ZBTB20: variants seen among roughly 807,000 people sequenced by gnomAD.
ZBTB20 encodes the protein zinc finger and BTB domain containing 20, also known as zinc finger and BTB domain-containing protein 20.
A neutral mutation model predicts 56.9 loss-of-function variants in ZBTB20; 9 were observed. That is an observed-to-expected ratio of 0.16 (90% CI 0.10 to 0.28). The LOEUF (loss-of-function observed/expected upper bound fraction) is 0.28, where lower values mean the gene tolerates loss of function less well. Among genes scored for constraint, ZBTB20 ranks in the 10% least tolerant of loss-of-function variants. The probability of loss-of-function intolerance (pLI) is 1.00; values close to 1 mark genes in which losing one functional copy is unlikely to be tolerated. For missense variants in ZBTB20, 655 were observed against 1,003.0 expected, an observed-to-expected ratio of 0.65 and a Z score of 4.69; for synonymous variants, 417 against 420.7, an observed-to-expected ratio of 0.99 and a Z score of 0.11.
intron 5 of ZBTB20, among the ~76,000 whole-genome samples, chr3:114,790,260 A>G (rs1443929898): frequency 6.6e-6 from 1 of 152,176 alleles, no homozygotes; most frequent in Non-Finnish European, 1.5e-5. Flanking sequence ...ATAGATGTTC[A>G]TTGTAACTGG....
intron 5 of ZBTB20, among the ~76,000 whole-genome samples, chr3:114,752,588 C>A (rs2067653055): frequency 6.6e-6 from 1 of 152,148 alleles, no homozygotes; most frequent in Admixed American, 6.5e-5. Flanking sequence ...GAAATATTTT[C>A]AACATGGGCA....
intron 7 of ZBTB20, among the ~76,000 whole-genome samples, chr3:114,435,537 C>T (rs1271029383): frequency 6.6e-6 from 1 of 152,166 alleles, no homozygotes; most frequent in Non-Finnish European, 1.5e-5. Flanking sequence ...CCATGCCTTG[C>T]CAGGCCAGAC....
chr3:114,501,130 C>A (rs906703568), intron 6 of ZBTB20, among the ~76,000 whole-genome samples: 3 of 152,142 alleles, frequency 2.0e-5, no homozygotes, highest in Non-Finnish European at 4.4e-5. Flanking sequence ...TGCCTCTACC[C>A]CTTCTCACCA....
chr3:114,491,722 T>C (rs2042774792), intron 7 of ZBTB20, among the ~76,000 whole-genome samples: 1 of 152,216 alleles, frequency 6.6e-6, no homozygotes, highest in Non-Finnish European at 1.5e-5. Flanking sequence ...CAAAAAATAC[T>C]AGTGTTTCCA....
intron 6 of ZBTB20, chr3:114,502,669 G>C (rs1302230906): frequency 1.3e-5 from 2 of 152,078 alleles, no homozygotes; most frequent in Non-Finnish European, 2.9e-5. Flanking sequence ...AAAGCTCTAA[G>C]TTTTGCTATA....
intron 5 of ZBTB20, chr3:114,758,892 T>C (rs2068222493): frequency 6.6e-6 from 1 of 152,142 alleles, no homozygotes; most frequent in Non-Finnish European, 1.5e-5. Flanking sequence ...ACAATCACAC[T>C]TACCTGCACA....
intron 2 of ZBTB20, among the ~76,000 whole-genome samples, chr3:114,975,374 T>C (rs1045439221): frequency 6.6e-6 from 1 of 152,292 alleles, no homozygotes; most frequent in African/African-American, 2.4e-5. Flanking sequence ...ATAATGGAAA[T>C]GCAATACCTA....
At chr3:114,762,818 C>T (rs560830696) in intron 5 of ZBTB20, among the ~76,000 whole-genome samples, 1 of 152,124 alleles carries the variant, frequency 6.6e-6, no homozygotes, top group Non-Finnish European at 1.5e-5. Context: ...CTTCATGATA[C>T]CTGGATTGGT....
chr3:115,083,494 CTA>C (rs2082870218), intron 1 of ZBTB20, among the ~76,000 whole-genome samples: 2 of 151,872 alleles, frequency 1.3e-5, no homozygotes, highest in Admixed American at 1.3e-4. Context: ...ATTACAATAC[CTA>C]TGTTTGTAAA....
chr3:114,728,309 T>C (rs2065458243), intron 5 of ZBTB20, among the ~76,000 whole-genome samples: 1 of 152,088 alleles, frequency 6.6e-6, no homozygotes, highest in African/African-American at 2.4e-5. Context: ...TCCTGTGGGG[T>C]AGGTAAGTAG....
intron 5 of ZBTB20, among the ~76,000 whole-genome samples, chr3:114,738,342 A>G (rs932529763): frequency 6.6e-5 from 10 of 152,230 alleles, no homozygotes; most frequent in African/African-American, 1.9e-4. Flanking sequence ...TATAATTAAT[A>G]ATTCATATTT....
At chr3:115,118,320 G>A (rs2084079791) in intron 1 of ZBTB20, among the ~76,000 whole-genome samples, 1 of 152,042 alleles carries the variant, frequency 6.6e-6, no homozygotes, top group Non-Finnish European at 1.5e-5. Context: ...CTCAGCCTCT[G>A]CAGAGTGGCT....
intron 4 of ZBTB20, among the ~76,000 whole-genome samples, chr3:114,854,666 TA>T (rs1482947766): frequency 2.0e-5 from 3 of 152,226 alleles, no homozygotes; most frequent in Admixed American, 2.0e-4. Flanking sequence ...TCCTTATCCA[TA>T]AAATGAATTT....
intron 7 of ZBTB20, among the ~76,000 whole-genome samples, chr3:114,463,488 G>C (rs1179749373): frequency 2.0e-5 from 3 of 152,138 alleles, no homozygotes; most frequent in Admixed American, 6.6e-5. Context: ...CACTGCTGCA[G>C]AATTTACAAT....
intron 2 of ZBTB20, among the ~76,000 whole-genome samples, chr3:114,986,644 G>A (rs2078557769): frequency 2.0e-5 from 3 of 151,886 alleles, no homozygotes; most frequent in Admixed American, 2.0e-4. Context: ...TTTCCCAATT[G>A]GAATATACCT....
chr3:114,920,638 C>T (rs2075921146), intron 3 of ZBTB20, among the ~76,000 whole-genome samples: 1 of 151,616 alleles, frequency 6.6e-6, no homozygotes, highest in African/African-American at 2.4e-5. Flanking sequence ...ACAATGAATG[C>T]CTACATTAAT....
chr3:114,986,280 T>C (rs1039051566), intron 2 of ZBTB20, among the ~76,000 whole-genome samples: 1 of 152,124 alleles, frequency 6.6e-6, no homozygotes, highest in African/African-American at 2.4e-5. Context: ...TGGCCTTCTA[T>C]AGATTCATCA....
At chr3:114,478,044 G>A (rs916764500) in intron 7 of ZBTB20, among the ~76,000 whole-genome samples, 7 of 146,230 alleles carry the variant, frequency 4.8e-5, no homozygotes, top group East Asian at 2.2e-4. Context: ...GCAATGGCGC[G>A]ATCTTGGCTC....
chr3:114,525,528 G>C lies in ZBTB20; in HGVS notation c.-294-25137C>G, dbSNP rs549428251. ...AGTCCCAGCTTAGGTCTTACTTCTC[G>C]GATGGTTTTTCTATGATTACCATGA... On this transcript the variant is annotated intron_variant, in intron 6 of 11. Coordinates refer to ENST00000675478, the MANE Select transcript of ZBTB20 (RefSeq NM_001348800.3). Among the ~76,000 whole-genome samples the C allele has an allele frequency of 3.4e-3, 520 of 152,008 alleles. 3 individuals carry two copies. Among genetic ancestry groups the C allele is most frequent in the African/African-American group, 0.012 (484 of 41,466 alleles).
Sources: allele counts gnomAD v4.1 joint callset (sites outside exome capture counted in the v4.1 genomes callset), GRCh38; gene constraint gnomAD v4.1.1; transcripts MANE v1.5; gene names NCBI Gene and HGNC (gene_info 2026-07-23, HGNC 2026-07-21).